The following ANKAR variants were observed in gnomAD, a reference collection of about 807,000 sequenced individuals.
The protein encoded by ANKAR is ankyrin and armadillo repeat containing.
In ANKAR, 136 loss-of-function variants were observed where a neutral mutation model predicts 146.2. The observed-to-expected ratio is 0.93, with a 90% CI of 0.81 to 1.07. ANKAR has a LOEUF of 1.07. Among genes scored for constraint, ANKAR ranks in the 50% least tolerant of loss-of-function variants. The pLI is 0.00. For synonymous variants in ANKAR, 500 were observed against 575.8 expected, an observed-to-expected ratio of 0.87 and a Z score of 1.88; for missense variants, 1,567 against 1,679.9, an observed-to-expected ratio of 0.93 and a Z score of 1.18.
chr2:189,747,534 T>A (rs2044333934), downstream of ANKAR, among the ~76,000 whole-genome samples: 1 of 152,142 alleles, frequency 6.6e-6, no homozygotes. Context: ...ATATTTATAG[T>A]GTCTTTGGTT....
chr2:189,700,051 T>A (rs2037833427), intron 7 of ANKAR, among the ~76,000 whole-genome samples: 1 of 152,080 alleles, frequency 6.6e-6, no homozygotes. Context: ...TTTTTTTTTT[T>A]ATTCTCTGAT....
chr2:189,718,061 G>T (rs546891021), intron 10 of ANKAR, among the ~76,000 whole-genome samples: 1 of 147,308 alleles, frequency 6.8e-6, no homozygotes, highest in African/African-American at 2.5e-5. Context: ...CATTGTGCAC[G>T]TGTACCCTAG....
chr2:189,704,995 C>T (rs1184152394), intron 7 of ANKAR, 28 bp from the exon 8 acceptor site: 1 of 1,604,256 alleles, frequency 6.2e-7, no homozygotes, highest in East Asian at 2.2e-5. Context: ...GTGCTGTGAT[C>T]ACTGAAGTAA....
intron 12 of ANKAR, among the ~76,000 whole-genome samples, chr2:189,723,592 T>C (rs1256967738): frequency 6.6e-6 from 1 of 152,174 alleles, no homozygotes; most frequent in East Asian, 1.9e-4. Flanking sequence ...CCCTTTGTGA[T>C]GTTATACAAT....
chr2:189,677,057 A>C lies in ANKAR; in HGVS notation c.567A>C (p.Thr189=). 2 of 1,576,770 alleles carry C rather than the reference A, an allele frequency of 1.3e-6. No individual in the cohort carries two copies. The highest frequency in any genetic ancestry group is 1.7e-6 in the Non-Finnish European group (2 of 1,167,384). ...MDIDPDGKPQ[T]NKDIFSEFSS... ...TTGATCCTGATGGAAAACCTCAAACAAATAAAGACATTTTTTCAGAGTTTA... is the reference window on the plus strand; with the variant it reads ...TTGATCCTGATGGAAAACCTCAAACCAATAAAGACATTTTTTCAGAGTTTA... Residue 189 remains threonine (T), a synonymous_variant, in exon 2 of 23, where the codon ACA becomes ACC. Coordinates refer to ENST00000684021, the MANE Select transcript of ANKAR (RefSeq NM_001378068.1).
intron 2 of ANKAR, among the ~76,000 whole-genome samples, chr2:189,681,217 A>C (rs1241567820): frequency 6.6e-6 from 1 of 152,216 alleles, no homozygotes; most frequent in East Asian, 1.9e-4. Flanking sequence ...AAGGTTAGAT[A>C]CATATTGATT....
chr2:189,722,009 G>A (rs193049399), intron 12 of ANKAR, among the ~76,000 whole-genome samples: 8 of 152,144 alleles, frequency 5.3e-5, no homozygotes, highest in African/African-American at 9.6e-5. Context: ...CTCTGTTCAA[G>A]TGTTCTTCCA....
intron 14 of ANKAR, 106 bp from the exon 15 acceptor site, chr2:189,728,554 C>T: frequency 6.7e-7 from 1 of 1,486,696 alleles, no homozygotes; most frequent in East Asian, 2.3e-5. Flanking sequence ...CCTCTTGCCT[C>T]AGCCTCCCAA....
chr2:189,756,913 A>C (rs2046172553), intron 18 of ANKAR, among the ~76,000 whole-genome samples: 1 of 152,200 alleles, frequency 6.6e-6, no homozygotes, highest in Non-Finnish European at 1.5e-5. Flanking sequence ...GGGAGACATC[A>C]AATCCAAATT....
chr2:189,718,835 C>T (rs373948361), intron 10 of ANKAR, among the ~76,000 whole-genome samples: 1 of 150,972 alleles, frequency 6.6e-6, no homozygotes, highest in South Asian at 2.1e-4. Context: ...CTGCAAGCTC[C>T]GCTTCCCGGG....
intron 18 of ANKAR, chr2:189,754,614 A>C: frequency 2.4e-6 from 1 of 413,770 alleles, no homozygotes; most frequent in Non-Finnish European, 4.3e-6. Flanking sequence ...AGTTGACAAT[A>C]ACTGCTTAAT....
chr2:189,750,559 C>CT (rs760802636), downstream of ANKAR: 62 of 1,437,616 alleles, frequency 4.3e-5, no homozygotes, highest in East Asian at 1.4e-3. Flanking sequence ...CCTTTAGGGA[C>CT]TTTTTTGAAC....
intron 2 of ANKAR, among the ~76,000 whole-genome samples, chr2:189,687,961 T>C (rs1224297245): frequency 6.6e-6 from 1 of 152,232 alleles, no homozygotes; most frequent in Non-Finnish European, 1.5e-5. Flanking sequence ...GCTTTTTAAG[T>C]TGATGTGATC....
At chr2:189,736,502 T>TTTTTTTTTTTGTGTGTG (rs1422561376) in intron 17 of ANKAR, among the ~76,000 whole-genome samples, 1 of 141,986 alleles carries the variant, frequency 7.0e-6, no homozygotes, top group African/African-American at 2.6e-5. Flanking sequence ...TGACTGGGTT[T>TTTTTTTTTTTGTGTGTG]TGTGTGTGTG....
At chr2:189,724,186 C>T (rs1307497323) in intron 12 of ANKAR, among the ~76,000 whole-genome samples, 2 of 152,062 alleles carry the variant, frequency 1.3e-5, no homozygotes, top group Admixed American at 1.3e-4. Flanking sequence ...TGTACTGATT[C>T]AGGAATAGTG....
intron 18 of ANKAR, chr2:189,755,371 C>T: frequency 6.2e-7 from 1 of 1,613,616 alleles, no homozygotes; most frequent in Non-Finnish European, 8.5e-7. Context: ...GCTTTTTTAA[C>T]TGTCCTACCA....
rs137963197 is a variant in ANKAR, at chr2:189,732,738, A to G, written c.3301-369A>G. Among the ~76,000 whole-genome samples, 365 of 152,156 alleles carry G rather than the reference A, an allele frequency of 2.4e-3. 4 individuals carry two copies. Among genetic ancestry groups the G allele is most frequent in the African/African-American group, 8.4e-3 (350 of 41,520 alleles). On this transcript the variant is annotated intron_variant, in intron 16 of 22. Transcript: ENST00000684021. ...TGGTCAGTAGTTAACAAGCAGTTCA[A>G]AATAGCTTTTTAATCCATGTCAAAA...
Position 189,711,029 on chromosome 2 carries a change from T to G in ANKAR, c.2120-20T>G. The G allele has an allele frequency of 1.1e-5, 17 of 1,596,450 alleles. No homozygotes were observed. The highest frequency in any genetic ancestry group is 1.5e-5 in the Non-Finnish European group (17 of 1,168,620). On this transcript the variant is annotated intron_variant, in intron 9 of 22. Transcript: ENST00000684021. The stretch of plus-strand genomic sequence containing the variant: ...TTTTGTGCAAATTACAGCTGTGTTT[T>G]TCTGTTGAACACTTAACAGAAATGT...
rs1257661933 is a variant in ANKAR, at chr2:189,676,719, A to G, written c.229A>G (p.Asn77Asp). The stretch of plus-strand genomic sequence containing the variant: ...ATGTGGAATTATGAGTCAAATGAAT[A>G]ACGTAGGCTTCTCCACTGCAATCCT... ...LPCGIMSQMN[N>D]VGFSTAILLT... The change falls in exon 2 of 23, where the codon AAC (asparagine) becomes GAC (aspartate). Residue 77 changes from asparagine to aspartate, a missense_variant. Asn to Asp is a conservative substitution (Grantham distance 23). Transcript: ENST00000684021. 7.4e-6 allele frequency: 12 copies of G among 1,614,220 alleles called. No individual in the cohort carries two copies. The highest frequency in any genetic ancestry group is 1.0e-5 in the Non-Finnish European group (12 of 1,180,038).
Sources: allele counts gnomAD v4.1 joint callset (sites outside exome capture counted in the v4.1 genomes callset), GRCh38; gene constraint gnomAD v4.1.1; transcripts MANE v1.5; gene names NCBI Gene and HGNC (gene_info 2026-07-23, HGNC 2026-07-21).